Variants in AFAP1L1 observed in about 807,000 individuals in gnomAD.
AFAP1L1 encodes the protein actin filament-associated protein 1-like 1.
Under a neutral mutation model 99.8 loss-of-function variants are expected in AFAP1L1, and 77 were observed. The observed-to-expected ratio is 0.77, with a 90% confidence interval of 0.64 to 0.93. The LOEUF (loss-of-function observed/expected upper bound fraction) is 0.93. Among genes scored for constraint, AFAP1L1 ranks in the 40% least tolerant of loss-of-function variants. AFAP1L1 has a pLI of 0.00. For synonymous variants in AFAP1L1, 373 were observed against 395.3 expected, an observed-to-expected ratio of 0.94 and a Z score of 0.67; for missense variants, 893 against 996.8, an observed-to-expected ratio of 0.90 and a Z score of 1.40.
chr5:149,333,021 C>A, intron 17 of AFAP1L1, 148 bp downstream of exon 17: 1 of 1,120,210 alleles, frequency 8.9e-7, no homozygotes, highest in Non-Finnish European at 1.2e-6. Context: ...GAAGGGCATG[C>A]CATGGGTGGC....
chr5:149,339,444 G>A (rs180727616), intron 18 of AFAP1L1, among the ~76,000 whole-genome samples: 43 of 152,170 alleles, frequency 2.8e-4, no homozygotes, highest in Middle Eastern at 3.4e-3. Flanking sequence ...CGCCCACCTC[G>A]GCCTCCCAAA....
At chr5:149,272,677 A>T (rs907002716) in intron 1 of AFAP1L1, among the ~76,000 whole-genome samples, 55 of 152,314 alleles carry the variant, frequency 3.6e-4, no homozygotes, top group African/African-American at 1.2e-3. Flanking sequence ...CAGCATTCGT[A>T]GGGGGCTAGC....
Position 149,306,393 on chromosome 5 carries a change from T to C in AFAP1L1, c.524T>C (p.Leu175Pro), listed in dbSNP as rs781206348. ...CCTGCAACCAGGGTGAACGGCGAGC[T>C]TAAGAGCTCCTGTAAGTACCAGGTG... ...SYPATRVNGE[L>P]KSSYNDSDAM... The change falls in exon 6 of 19, where the codon CTT (leucine) becomes CCT (proline). Residue 175 changes from leucine to proline, a missense_variant. Coordinates refer to ENST00000296721, the MANE Select transcript of AFAP1L1 (RefSeq NM_152406.4). The C allele has an allele frequency of 6.2e-7, 1 of 1,611,430 alleles. No homozygotes were observed. The highest frequency in any genetic ancestry group is 2.2e-5 in the East Asian group (1 of 44,800).
At chr5:149,332,607 AG>A in intron 16 of AFAP1L1, 87 bp from the exon 17 acceptor site, 1 of 1,411,966 alleles carries the variant, frequency 7.1e-7, no homozygotes, top group Non-Finnish European at 9.6e-7. Flanking sequence ...GCCCTCTAGG[AG>A]GGGCAGACAA....
chr5:149,302,768 G>C, intron 5 of AFAP1L1: 1 of 399,558 alleles, frequency 2.5e-6, no homozygotes, highest in Non-Finnish European at 4.5e-6. Flanking sequence ...TGTGGCCTTG[G>C]AAAATCCCCT....
In AFAP1L1 at chr5:149,325,079, G is replaced by A. The variant is rs113917735; in HGVS notation, c.1810+2362G>A. On this transcript the variant is annotated intron_variant, in intron 15 of 18. Coordinates refer to ENST00000296721, the MANE Select transcript of AFAP1L1 (RefSeq NM_152406.4). The stretch of plus-strand genomic sequence containing the variant: ...GAGAAAAATGGTGGCGTGAGAAGCT[G>A]CATGGACCCACTCCCTAGCAAAACA... Among the ~76,000 whole-genome samples the A allele has an allele frequency of 3.6e-3, 544 of 152,266 alleles. 1 individual carries two copies. The highest frequency in any genetic ancestry group is 6.1e-3 in the Admixed American group (94 of 15,306).
chr5:149,319,336 C>A (rs978227610), intron 12 of AFAP1L1, among the ~76,000 whole-genome samples: 7 of 152,106 alleles, frequency 4.6e-5, no homozygotes, highest in Admixed American at 4.6e-4. Flanking sequence ...AGGGAGGCCT[C>A]TGTCTTAGAG....
At chr5:149,277,804 A>G (rs1178926317) in intron 1 of AFAP1L1, among the ~76,000 whole-genome samples, 1 of 152,150 alleles carries the variant, frequency 6.6e-6, no homozygotes. Flanking sequence ...AGAGTAATAC[A>G]TGTAGTCTAG....
intron 16 of AFAP1L1, among the ~76,000 whole-genome samples, chr5:149,331,486 G>T (rs77978383): frequency 1.3e-5 from 2 of 151,980 alleles, no homozygotes; most frequent in Admixed American, 6.5e-5. Flanking sequence ...CGGGTGTGGC[G>T]GCGGGTGCCT....
At chr5:149,296,158 T>A (rs936462648) in intron 1 of AFAP1L1, among the ~76,000 whole-genome samples, 1 of 152,090 alleles carries the variant, frequency 6.6e-6, no homozygotes, top group African/African-American at 2.4e-5. Flanking sequence ...CCCAGTCTCC[T>A]GAGTAGCTGG....
intron 1 of AFAP1L1, among the ~76,000 whole-genome samples, chr5:149,273,557 A>T (rs991158838): frequency 6.6e-6 from 1 of 152,146 alleles, no homozygotes; most frequent in African/African-American, 2.4e-5. Flanking sequence ...AAGGGCAGGC[A>T]GGAAAGAGAG....
In AFAP1L1 at chr5:149,309,973, G is replaced by T. The variant is rs199506796; in HGVS notation, c.765G>T (p.Lys255Asn). 6.2e-7 allele frequency: 1 copy of T among 1,614,098 alleles called. No homozygotes were observed. The highest frequency in any genetic ancestry group is 2.2e-5 in the East Asian group (1 of 44,898). ...EDQLLCYKSS[K>N]DRQPHLRLAL... ...CTGTCCAGTGTTACAAAAGCTCCAA[G>T]GATCGGCAGCCACATCTGAGGTTGG... The change falls in exon 8 of 19, where the codon AAG (lysine) becomes AAT (asparagine). Residue 255 changes from lysine (K) to asparagine (N), a missense_variant. Lys to Asn is a moderately conservative substitution (Grantham distance 94, BLOSUM62 0). Transcript: ENST00000296721.
rs1335846644 is a variant in AFAP1L1 at position 149,342,416 on chromosome 5, A to C, written c.*2386A>C. 1.3e-5 allele frequency among the ~76,000 whole-genome samples: 2 copies of C among 152,118 alleles called. No individual in the cohort carries two copies. Among genetic ancestry groups the C allele is most frequent in the African/African-American group, 4.8e-5 (2 of 41,412 alleles). ...GTGAATATAAGAAGTCTGACCCTAGAGCCTTATTCTTAATTTTAAAGCTCT... is the reference window on the plus strand; with the variant it reads ...GTGAATATAAGAAGTCTGACCCTAGCGCCTTATTCTTAATTTTAAAGCTCT... On this transcript the variant is annotated 3_prime_UTR_variant, in exon 19 of 19. Coordinates refer to ENST00000296721, the MANE Select transcript of AFAP1L1 (RefSeq NM_152406.4).
intron 1 of AFAP1L1, among the ~76,000 whole-genome samples, chr5:149,273,347 G>T (rs1755197618): frequency 6.6e-6 from 1 of 151,954 alleles, no homozygotes; most frequent in Non-Finnish European, 1.5e-5. Context: ...GGGAACAGGG[G>T]CATGGGAGCA....
intron 16 of AFAP1L1, among the ~76,000 whole-genome samples, chr5:149,331,031 C>G (rs1410049707): frequency 1.3e-5 from 2 of 151,846 alleles, no homozygotes; most frequent in African/African-American, 4.8e-5. Context: ...TACTGGAAAA[C>G]CCTCCGGCAC....
chr5:149,324,514 G>A (rs923827511), intron 15 of AFAP1L1, among the ~76,000 whole-genome samples: 125 of 152,292 alleles, frequency 8.2e-4, no homozygotes, highest in African/African-American at 2.7e-3. Context: ...TTTTGCCCAC[G>A]ATCATGTATT....
chr5:149,307,812 CTCTCTT>C (rs1261111348), intron 7 of AFAP1L1, among the ~76,000 whole-genome samples, 199 bp downstream of exon 7: 8 of 108,272 alleles, frequency 7.4e-5, no homozygotes, highest in Non-Finnish European at 1.6e-4. Flanking sequence ...CACCCTGTGC[CTCTCTT>C]TCTCTCTCTC....
intron 9 of AFAP1L1, among the ~76,000 whole-genome samples, chr5:149,314,502 G>C (rs1386682245): frequency 6.6e-6 from 1 of 152,172 alleles, no homozygotes; most frequent in Non-Finnish European, 1.5e-5. Context: ...TGTGATTGCA[G>C]TGTCACCATC....
chr5:149,310,678 G>T (rs530731432), intron 8 of AFAP1L1, among the ~76,000 whole-genome samples: 1 of 152,276 alleles, frequency 6.6e-6, no homozygotes, highest in Non-Finnish European at 1.5e-5. Context: ...AAATATTATT[G>T]TTCCCATTTC....
Sources: allele counts gnomAD v4.1 joint callset (sites outside exome capture counted in the v4.1 genomes callset), GRCh38; gene constraint gnomAD v4.1.1; transcripts MANE v1.5; gene names NCBI Gene and HGNC (gene_info 2026-07-23, HGNC 2026-07-21).